AGO4: variants seen among roughly 807,000 people sequenced by gnomAD.
AGO4 encodes the protein protein argonaute-4.
In AGO4, 33 loss-of-function variants were observed where a neutral mutation model predicts 104.7. That is an observed-to-expected ratio of 0.32 (90% CI 0.24 to 0.42). AGO4 has a LOEUF of 0.42. Ranked by LOEUF, AGO4 falls within the 10% of genes least tolerant of loss-of-function variation. AGO4 has a pLI of 1.00. For synonymous variants in AGO4, 331 were observed against 364.7 expected (o/e 0.91, Z 1.05); for missense variants, 711 against 1,083.4 (o/e 0.66, Z 4.83).
At chr1:35,833,965 C>T (rs749022988) in intron 11 of AGO4, 25 bp from the exon 12 acceptor site, 6 of 1,424,280 alleles carry the variant, frequency 4.2e-6, no homozygotes, top group South Asian at 3.5e-5. Flanking sequence ...TGAAAAAAAC[C>T]GTGTTACTGG....
intron 7 of AGO4, 106 bp downstream of exon 7, chr1:35,826,941 C>G: frequency 8.7e-7 from 1 of 1,148,362 alleles, no homozygotes; most frequent in Non-Finnish European, 1.2e-6. Flanking sequence ...GTGGCTCACA[C>G]CTGTAATCCC....
chr1:35,808,563 C>G lies in AGO4; in HGVS notation c.19+128C>G. 4 of 872,866 alleles carry G rather than the reference C, an allele frequency of 4.6e-6. No homozygotes were observed. Among genetic ancestry groups the G allele is most frequent in the Non-Finnish European group, 5.7e-6 (4 of 699,444 alleles). 54.1% of individuals were successfully genotyped at this position (872,866 alleles called of 1,614,324 possible). On this transcript the variant is annotated intron_variant, in intron 1 of 17. Transcript: ENST00000373210. This position sits in a 1 kb window ranked among gnomAD's most constrained non-coding sequence, Gnocchi z 5.2. Reference sequence around the variant, plus strand: ...GGCCTCGGGGAAGGGGACCCGAGCCCCGCAGCACGAAGCGGAGGGAGCTGA... The same window carrying G: ...GGCCTCGGGGAAGGGGACCCGAGCCGCGCAGCACGAAGCGGAGGGAGCTGA...
rs1643363408 is a variant in AGO4 at position 35,808,288 on chromosome 1, G to C, written c.-129G>C. 3 of 423,090 alleles carry C rather than the reference G, an allele frequency of 7.1e-6. No homozygotes were observed. The highest frequency in any genetic ancestry group is 9.5e-6 in the Non-Finnish European group (3 of 315,602). 26.2% of individuals were successfully genotyped at this position (423,090 alleles called of 1,614,324 possible). ...CGCCGCCGCCCCCTGCCCAGCGCCC[G>C]CGTCTCCGCGGCGCCACCCCAGCGC... On this transcript the variant is annotated 5_prime_UTR_variant, in exon 1 of 18. Transcript: ENST00000373210. This position sits in a 1 kb window ranked among gnomAD's most constrained non-coding sequence, Gnocchi z 5.2.
intron 3 of AGO4, 28 bp from the exon 4 acceptor site, chr1:35,825,285 G>A: frequency 6.2e-7 from 1 of 1,604,878 alleles, no homozygotes; most frequent in Non-Finnish European, 8.5e-7. Context: ...AAACATTTGT[G>A]TTTGTATTCA....
intron 15 of AGO4, among the ~76,000 whole-genome samples, chr1:35,845,253 A>T (rs1644544321): frequency 7.7e-6 from 1 of 129,612 alleles, no homozygotes; most frequent in Admixed American, 8.8e-5. Context: ...TTTTTAAGAT[A>T]GAGTTTCACT....
intron 15 of AGO4, among the ~76,000 whole-genome samples, chr1:35,844,682 C>A (rs1276051420): frequency 6.6e-6 from 1 of 152,124 alleles, no homozygotes; most frequent in East Asian, 1.9e-4. Context: ...CAATCCTAAT[C>A]CCTCCTGACT....
chr1:35,823,283 C>T lies in AGO4; in HGVS notation c.306+301C>T, dbSNP rs189630361. 1.0e-4 allele frequency among the ~76,000 whole-genome samples: 15 copies of T among 146,368 alleles called. No homozygotes were observed. In the East Asian group the frequency reaches 2.2e-3, roughly 21 times the overall value. On this transcript the variant is annotated intron_variant, in intron 3 of 17. Coordinates refer to ENST00000373210, the MANE Select transcript of AGO4 (RefSeq NM_017629.4). The stretch of plus-strand genomic sequence containing the variant: ...TTTTTTTTTTTTTGAGATGGGATCT[C>T]GCTCTGTCACCCAGGCTGGAATGCA...
At chr1:35,813,408 C>CA (rs1416471543) in intron 1 of AGO4, among the ~76,000 whole-genome samples, 2,117 of 116,072 alleles carry the variant, frequency 0.018, 35 homozygotes, top group African/African-American at 0.056. Context: ...GACTCCATCT[C>CA]AAAAAAAAAA....
In AGO4 at chr1:35,853,670, T is replaced by C. The variant is rs1644758877; in HGVS notation, c.*65T>C. 3 of 1,409,918 alleles carry C rather than the reference T, an allele frequency of 2.1e-6. No homozygotes were observed. Among genetic ancestry groups the C allele is most frequent in the Non-Finnish European group, 3.0e-6 (3 of 1,003,480 alleles). The allele number at this position is 1,409,918 out of a possible 1,614,324, so 87.3% of individuals were successfully genotyped here. On this transcript the variant is annotated 3_prime_UTR_variant, in exon 18 of 18. Coordinates refer to ENST00000373210, the MANE Select transcript of AGO4 (RefSeq NM_017629.4). ...GCAGCCTCAAAATGTTTCAAATGCC[T>C]ACCGCCTCTAGATCGAGCCACGTTG... is the stretch of plus-strand genomic sequence containing the variant.
At chr1:35,817,113 G>T in intron 2 of AGO4, 66 bp downstream of exon 2, 1 of 1,437,678 alleles carries the variant, frequency 7.0e-7, no homozygotes, top group Non-Finnish European at 9.4e-7. Flanking sequence ...GTATCATATT[G>T]TTCTCTAAAT....
intron 2 of AGO4, among the ~76,000 whole-genome samples, chr1:35,822,428 A>G (rs1431798182): frequency 6.8e-6 from 1 of 146,258 alleles, no homozygotes; most frequent in Non-Finnish European, 1.5e-5. Flanking sequence ...CTAATTTTGT[A>G]TTTTTAGTAG....
chr1:35,820,453 G>A lies in AGO4; in HGVS notation c.186-2409G>A, dbSNP rs188513438. Among the ~76,000 whole-genome samples the A allele has an allele frequency of 6.4e-3, 974 of 152,172 alleles. 8 individuals are homozygous for A. The highest frequency in any genetic ancestry group is 0.022 in the African/African-American group (924 of 41,520). On this transcript the variant is annotated intron_variant, in intron 2 of 17. Transcript: ENST00000373210. ...GCTCACTGAAACCTCCACTTCTGGGGTTCAACTGATTCCCTTGCCTCAGCC... is the reference window on the plus strand; with the variant it reads ...GCTCACTGAAACCTCCACTTCTGGGATTCAACTGATTCCCTTGCCTCAGCC...
intron 4 of AGO4, 64 bp downstream of exon 4, chr1:35,825,558 G>A: frequency 6.4e-7 from 1 of 1,557,730 alleles, no homozygotes; most frequent in East Asian, 2.3e-5. Context: ...TTGTACTGGA[G>A]CCATTGAAAA....
intron 6 of AGO4, 26 bp from the exon 7 acceptor site, chr1:35,826,722 G>A: frequency 6.3e-7 from 1 of 1,591,322 alleles, no homozygotes; most frequent in Non-Finnish European, 8.6e-7. Flanking sequence ...ATTAACTGAT[G>A]TTTTGCCTTT....
At chr1:35,823,573 G>T (rs1049879509) in intron 3 of AGO4, among the ~76,000 whole-genome samples, 4 of 152,124 alleles carry the variant, frequency 2.6e-5, no homozygotes, top group South Asian at 2.1e-4. Flanking sequence ...CTATAGGCGT[G>T]TGCCACCACG....
chr1:35,857,880 T>TA lies in AGO4; in HGVS notation c.*4281dup, dbSNP rs1644847288. 6.6e-6 allele frequency: 1 copy of TA among 152,200 alleles called. No homozygotes were observed. Among genetic ancestry groups the TA allele is most frequent in the Non-Finnish European group, 1.5e-5 (1 of 68,044 alleles). The allele number at this position is 152,200 out of a possible 1,614,324, so 9.4% of individuals were successfully genotyped here. A position where few individuals can be genotyped will look rare whatever the true frequency, so the allele number is the denominator to read the frequency against. On this transcript the variant is annotated 3_prime_UTR_variant, in exon 18 of 18. Coordinates refer to ENST00000373210, the MANE Select transcript of AGO4 (RefSeq NM_017629.4). ...TCAATTAAAACTAAAATAAAACTTT[T>TA]AAAAAAGAAATTTCTATTTGAGAAT...
In AGO4 at chr1:35,857,540, G is replaced by A. The variant is rs1644841444; in HGVS notation, c.*3935G>A. 6.6e-6 allele frequency: 1 copy of A among 152,118 alleles called. No individual in the cohort carries two copies. Among genetic ancestry groups the A allele is most frequent in the Admixed American group, 6.5e-5 (1 of 15,272 alleles). The allele number at this position is 152,118 out of a possible 1,614,324, so 9.4% of individuals were successfully genotyped here. A position where few individuals can be genotyped will look rare whatever the true frequency, so the allele number is the denominator to read the frequency against. Reference sequence around the variant, plus strand: ...ACGAGGTACTTTCTAAACTATTAAGGGAGGGGTTGTATCCTCATGTTGAGA... The same window carrying A: ...ACGAGGTACTTTCTAAACTATTAAGAGAGGGGTTGTATCCTCATGTTGAGA... On this transcript the variant is annotated 3_prime_UTR_variant, in exon 18 of 18. Transcript: ENST00000373210.
At chr1:35,822,256 T>C (rs1643902650) in intron 2 of AGO4, among the ~76,000 whole-genome samples, 2 of 151,592 alleles carry the variant, frequency 1.3e-5, no homozygotes. Flanking sequence ...CCAAGATAGG[T>C]TATTCTTTTT....
Position 35,850,171 on chromosome 1 carries a change from C to T in AGO4, c.2190C>T (p.Gly730=). 1 of 1,576,328 alleles carries T rather than the reference C, an allele frequency of 6.3e-7. No individual in the cohort carries two copies. The highest frequency in any genetic ancestry group is 8.6e-7 in the Non-Finnish European group (1 of 1,162,384). ...GTTTTTTGTAGGTAGGGAAAAGTGG[C>T]AATGTACCAGCAGGCACTACAGTGG... ...ADKTERVGKS[G]NVPAGTTVDS... Residue 730 remains glycine, a synonymous_variant, in exon 16 of 18, where the codon GGC becomes GGT. Coordinates refer to ENST00000373210, the MANE Select transcript of AGO4 (RefSeq NM_017629.4).
Sources: gnomAD v4.1 joint callset for allele counts (sites outside exome capture counted in the v4.1 genomes callset) on GRCh38, gnomAD v4.1.1 for gene constraint, Gnocchi (gnomAD v3.1) non-coding constraint, MANE v1.5 for transcripts, NCBI Gene and HGNC (gene_info 2026-07-23, HGNC 2026-07-21) for gene names.